F13B: variants seen among roughly 807,000 people sequenced by gnomAD.
F13B encodes the protein coagulation factor XIII B chain.
Under a neutral mutation model 79.8 loss-of-function variants are expected in F13B, and 58 were observed. The observed-to-expected ratio is 0.73, with a 90% CI of 0.59 to 0.90. The LOEUF (loss-of-function observed/expected upper bound fraction) is 0.90. F13B is among the 40% of genes least tolerant of loss of function. F13B has a pLI of 0.00. For synonymous variants in F13B, 283 were observed against 260.3 expected (o/e 1.09, Z -0.84); for missense variants, 773 against 777.0 (o/e 0.99, Z 0.06).
rs967405905 is a variant in F13B at position 197,040,443 on chromosome 1, T to C, written c.1952+79A>G. ...CAATTGCCATAAAGTATGAGTGGTA[T>C]AGAACATAACATTTCTGAAATGTTG... On this transcript the variant is annotated intron_variant, in intron 11 of 11. Transcript: ENST00000367412. 6 of 991,504 alleles carry C rather than the reference T, an allele frequency of 6.1e-6. No individual in the cohort carries two copies. The African/African-American group carries it at 8.0e-5, about 13-fold the overall frequency. 61.4% of individuals were successfully genotyped at this position (991,504 alleles called of 1,614,324 possible). A position where few individuals can be genotyped will look rare whatever the true frequency, so the allele number is the denominator to read the frequency against.
At chr1:197,063,119 T>A in intron 1 of F13B, 62 bp from the exon 2 acceptor site, 1 of 1,461,058 alleles carries the variant, frequency 6.8e-7, no homozygotes, top group East Asian at 2.3e-5. Context: ...AAATTTGTAA[T>A]CAGGTGACAA....
chr1:197,044,762 AAC>A (rs1338374215), intron 10 of F13B, among the ~76,000 whole-genome samples: 1 of 152,138 alleles, frequency 6.6e-6, no homozygotes, highest in African/African-American at 2.4e-5. Context: ...CTGCAAGTAA[AAC>A]ACTCTTTGGC....
In F13B at chr1:197,057,373, T is replaced by G. The variant is rs1345734755; in HGVS notation, c.898A>C (p.Ile300Leu). 8.7e-6 allele frequency: 14 copies of G among 1,613,892 alleles called. No individual in the cohort carries two copies. Among genetic ancestry groups the G allele is most frequent in the Non-Finnish European group, 1.2e-5 (14 of 1,179,932 alleles). Reference protein sequence around the residue: ...TTYRHGEIVHIECELNFEIHG... With the variant: ...TTYRHGEIVHLECELNFEIHG... Reference sequence around the variant, plus strand: ...ATCTCAAAATTAAGTTCACATTCTATATGAACTATTTCTCCATGACGATAA... The same window carrying G: ...ATCTCAAAATTAAGTTCACATTCTAGATGAACTATTTCTCCATGACGATAA... The change falls in exon 6 of 12, where the codon ATA becomes CTA. Residue 300 changes from isoleucine (I) to leucine (L), a missense_variant. By Grantham distance (5) the Ile-to-Leu change is conservative (BLOSUM62 2). Coordinates refer to ENST00000367412, the MANE Select transcript of F13B (RefSeq NM_001994.3).
Position 197,038,937 on chromosome 1 carries a change from T to C in F13B, c.*441A>G, listed in dbSNP as rs1047096474. Among the ~76,000 whole-genome samples, 1 of 152,058 alleles carries C rather than the reference T, an allele frequency of 6.6e-6. No individual in the cohort carries two copies. Among genetic ancestry groups the C allele is most frequent in the South Asian group, 2.1e-4 (1 of 4,832 alleles). On this transcript the variant is annotated 3_prime_UTR_variant, in exon 12 of 12. Coordinates refer to ENST00000367412, the MANE Select transcript of F13B (RefSeq NM_001994.3). ...GCCTTTAATAAGGCAGATCCTCTAA[T>C]ACAGCATATAGTTTCTTATCTCTAG...
chr1:197,044,526 C>T (rs1458442200), intron 10 of F13B, among the ~76,000 whole-genome samples: 1 of 152,052 alleles, frequency 6.6e-6, no homozygotes, highest in Non-Finnish European at 1.5e-5. Flanking sequence ...TAGAGACCTG[C>T]AAAGAGATTT....
At chr1:197,049,085 G>C (rs1045091725) in intron 10 of F13B, among the ~76,000 whole-genome samples, 3 of 151,810 alleles carry the variant, frequency 2.0e-5, no homozygotes, top group Non-Finnish European at 4.4e-5. Flanking sequence ...AAAAATCCAA[G>C]ATATAAAAAT....
chr1:197,066,104 G>C (rs1348571923), intron 1 of F13B, among the ~76,000 whole-genome samples: 1 of 151,788 alleles, frequency 6.6e-6, no homozygotes, highest in African/African-American at 2.4e-5. Flanking sequence ...ATATCTGCTG[G>C]TATTTCCCTA....
chr1:197,046,270 C>A (rs1463846382), intron 10 of F13B, among the ~76,000 whole-genome samples: 1 of 152,114 alleles, frequency 6.6e-6, no homozygotes, highest in Non-Finnish European at 1.5e-5. Flanking sequence ...AAAACCCCAT[C>A]GTCTCAGCCC....
At chr1:197,056,117 C>T (rs955487335) in intron 7 of F13B, among the ~76,000 whole-genome samples, 2 of 152,058 alleles carry the variant, frequency 1.3e-5, no homozygotes, top group African/African-American at 2.4e-5. Context: ...ACGTATTTTT[C>T]TCTTTTCTCA....
chr1:197,057,327 C>A lies in F13B; in HGVS notation c.944G>T (p.Arg315Leu). The A allele has an allele frequency of 5.0e-6, 8 of 1,613,948 alleles. No individual in the cohort carries two copies. Among genetic ancestry groups the A allele is most frequent in the Non-Finnish European group, 6.8e-6 (8 of 1,179,922 alleles). Reference sequence around the variant, plus strand: ...TTCTGTCCATTTTCCATCTTCACAACGTATTTCTGCTGACCCATGGATCTC... The same window carrying A: ...TTCTGTCCATTTTCCATCTTCACAAAGTATTTCTGCTGACCCATGGATCTC... ...NFEIHGSAEI[R>L]CEDGKWTEPP... The change falls in exon 6 of 12, where the codon CGT (arginine) becomes CTT (leucine). Residue 315 changes from arginine to leucine, a missense_variant. Physicochemically the swap from Arg to Leu is moderately radical, Grantham distance 102. Transcript: ENST00000367412.
At chr1:197,041,010 T>G (rs1440395829) in intron 10 of F13B, among the ~76,000 whole-genome samples, 1 of 152,118 alleles carries the variant, frequency 6.6e-6, no homozygotes, top group Non-Finnish European at 1.5e-5. Flanking sequence ...TAGTTTTATG[T>G]CATTAGCTTT....
At chr1:197,056,923 T>C in intron 7 of F13B, 90 bp downstream of exon 7, 2 of 1,397,570 alleles carry the variant, frequency 1.4e-6, no homozygotes, top group Non-Finnish European at 2.0e-6. Flanking sequence ...TAAGCAGTGG[T>C]CTTTTCCTAG....
At chr1:197,059,412 G>C (rs1226957108) in intron 5 of F13B, among the ~76,000 whole-genome samples, 2 of 152,068 alleles carry the variant, frequency 1.3e-5, no homozygotes, top group African/African-American at 2.4e-5. Flanking sequence ...GCCCTCATTT[G>C]TTTCCCCTAG....
At position 197,039,381 on chromosome 1, in the gene F13B, T is replaced by C; in HGVS notation, c.1983A>G (p.Thr661=). Residue 661 remains threonine, a synonymous_variant, in exon 12 of 12, where the codon ACA becomes ACG. Coordinates refer to ENST00000367412, the MANE Select transcript of F13B (RefSeq NM_001994.3). The part of the protein sequence containing the change: ...STLSYQEPLR[T] Reference sequence around the variant, plus strand: ...CTCCTCTTTCTGCCATTCATTTCTATGTTCTTAAGGGTTCTTGATAAGACA... The same window carrying C: ...CTCCTCTTTCTGCCATTCATTTCTACGTTCTTAAGGGTTCTTGATAAGACA... 6.2e-7 allele frequency: 1 copy of C among 1,610,484 alleles called. No individual in the cohort carries two copies.
At chr1:197,051,567 T>C (rs886336057) in intron 9 of F13B, among the ~76,000 whole-genome samples, 4 of 152,266 alleles carry the variant, frequency 2.6e-5, no homozygotes, top group Admixed American at 2.0e-4. Flanking sequence ...AATTCTCTGA[T>C]AGTCTGGCAA....
chr1:197,061,735 A>T (rs1655869601), intron 3 of F13B, 49 bp downstream of exon 3: 4 of 1,455,266 alleles, frequency 2.7e-6, no homozygotes, highest in Non-Finnish European at 2.9e-6. Context: ...TATATTCAAT[A>T]TAAGCTTGAT....
At chr1:197,052,405 AG>A (rs1440537388) in intron 9 of F13B, among the ~76,000 whole-genome samples, 2 of 152,102 alleles carry the variant, frequency 1.3e-5, no homozygotes, top group African/African-American at 4.8e-5. Flanking sequence ...AATTCGACGC[AG>A]CAATTCCATT....
chr1:197,048,730 AT>A (rs1354664271), intron 10 of F13B, among the ~76,000 whole-genome samples: 1 of 152,262 alleles, frequency 6.6e-6, no homozygotes, highest in South Asian at 2.1e-4. Flanking sequence ...ACACACACAA[AT>A]CAGTACAGCT....
intron 10 of F13B, among the ~76,000 whole-genome samples, chr1:197,042,739 T>G (rs559771417): frequency 6.7e-6 from 1 of 149,106 alleles, no homozygotes; most frequent in South Asian, 2.2e-4. Context: ...AAGAATCTCT[T>G]GAACCTAGAA....
Sources: gnomAD v4.1 joint callset for allele counts (sites outside exome capture counted in the v4.1 genomes callset) on GRCh38, gnomAD v4.1.1 for gene constraint, MANE v1.5 for transcripts, NCBI Gene and HGNC (gene_info 2026-07-23, HGNC 2026-07-21) for gene names.